Variants in EHF observed in about 807,000 individuals in gnomAD.
EHF encodes the protein ESE3 transcription factor.
EHF carries 14 observed loss-of-function variants against 45.1 expected under a neutral mutation model. The observed-to-expected ratio is 0.31, with a 90% CI of 0.21 to 0.49. The LOEUF is 0.49. EHF is among the 20% of genes least tolerant of loss of function. The pLI, the probability that EHF is intolerant of heterozygous loss-of-function variation, is 0.99. For synonymous variants in EHF, 136 were observed against 131.8 expected (o/e 1.03, Z -0.22); for missense variants, 282 against 371.4 (o/e 0.76, Z 1.98).
intron 1 of EHF, chr11:34,631,444 C>A: frequency 2.7e-6 from 1 of 375,160 alleles, no homozygotes; most frequent in Non-Finnish European, 3.7e-6. Flanking sequence ...TGTTTAGCTC[C>A]TTGTGGCCCT....
intron 7 of EHF, 62 bp downstream of exon 7, chr11:34,657,032 G>C (rs768982623): frequency 6.3e-7 from 1 of 1,591,528 alleles, no homozygotes; most frequent in African/African-American, 1.4e-5. Context: ...ACATCTGGAG[G>C]CCACTAGTTT....
intron 1 of EHF, chr11:34,642,290 T>TAA (rs1420429335): frequency 2.5e-4 from 41 of 164,984 alleles, no homozygotes; most frequent in East Asian, 6.5e-4. Flanking sequence ...TTCACTTTTG[T>TAA]AAAAAAAAAA....
At chr11:34,657,835 T>C (rs1855806821) in intron 7 of EHF, among the ~76,000 whole-genome samples, 1 of 149,846 alleles carries the variant, frequency 6.7e-6, no homozygotes, top group Admixed American at 6.7e-5. Context: ...GGAATTAGAA[T>C]GTCTTTATCT....
chr11:34,651,105 C>T (rs1855114632), intron 4 of EHF, among the ~76,000 whole-genome samples: 1 of 150,404 alleles, frequency 6.6e-6, no homozygotes, highest in African/African-American at 2.4e-5. Context: ...ATCATTAACC[C>T]CCCAAGGCCT....
At position 34,651,572 on chromosome 11, in the gene EHF, A is replaced by G; in HGVS notation, c.437A>G (p.Glu146Gly). ...EPSIMNTWKD[E>G]NYLYDTNYGS... Reference sequence around the variant, plus strand: ...TCCATCATGAACACCTGGAAAGACGAGAACTATTTATATGACACCAACTAT... The same window carrying G: ...TCCATCATGAACACCTGGAAAGACGGGAACTATTTATATGACACCAACTAT... Residue 146 changes from glutamate to glycine, a missense_variant, in exon 5 of 9, where the codon GAG (glutamate) becomes GGG (glycine). Glu to Gly is a moderately conservative substitution (Grantham distance 98, BLOSUM62 -2). Transcript: ENST00000257831. 1 of 1,614,028 alleles carries G rather than the reference A, an allele frequency of 6.2e-7. No homozygotes were observed. The highest frequency in any genetic ancestry group is 1.1e-5 in the South Asian group (1 of 91,078).
intron 1 of EHF, among the ~76,000 whole-genome samples, chr11:34,636,747 C>A (rs567493501): frequency 6.3e-4 from 96 of 152,194 alleles, no homozygotes; most frequent in African/African-American, 2.1e-3. Flanking sequence ...ACATGTGGCA[C>A]CACGGCCGGG....
intron 1 of EHF, among the ~76,000 whole-genome samples, chr11:34,628,640 G>C (rs907417626): frequency 1.3e-5 from 2 of 152,160 alleles, no homozygotes; most frequent in African/African-American, 4.8e-5. Context: ...GAATGATAAT[G>C]GTAATTTGTT....
At chr11:34,634,300 C>T (rs146923821) in intron 1 of EHF, among the ~76,000 whole-genome samples, 1 of 152,292 alleles carries the variant, frequency 6.6e-6, no homozygotes, top group African/African-American at 2.4e-5. Context: ...AATTCACCTG[C>T]TGGTAACTTT....
chr11:34,660,524 G>A lies in EHF; in HGVS notation c.*1593G>A, dbSNP rs370068515. The A allele has an allele frequency of 6.6e-6, 1 of 152,130 alleles. No individual in the cohort carries two copies. Among genetic ancestry groups the A allele is most frequent in the African/African-American group, 2.4e-5 (1 of 41,446 alleles). 9.4% of individuals were successfully genotyped at this position (152,130 alleles called of 1,614,324 possible). ...TCAGCTCAGGCACAATTGTCACCAA[G>A]GAGTTAAAAGCTTCTTCTTCAATAG... On this transcript the variant is annotated 3_prime_UTR_variant, in exon 9 of 9. Transcript: ENST00000257831.
chr11:34,655,054 T>C (rs1855532926), intron 6 of EHF, among the ~76,000 whole-genome samples: 1 of 152,180 alleles, frequency 6.6e-6, no homozygotes, highest in African/African-American at 2.4e-5. Context: ...TGTCACATCC[T>C]GATGGGATGT....
intron 6 of EHF, among the ~76,000 whole-genome samples, chr11:34,654,514 T>C (rs1343537808): frequency 6.6e-6 from 1 of 152,210 alleles, no homozygotes; most frequent in African/African-American, 2.4e-5. Flanking sequence ...TTTGACTGCT[T>C]ATTCCCCTTT....
At chr11:34,656,215 A>G (rs1247443004) in intron 6 of EHF, among the ~76,000 whole-genome samples, 1 of 152,118 alleles carries the variant, frequency 6.6e-6, no homozygotes, top group Non-Finnish European at 1.5e-5. Flanking sequence ...ATAATGAGTC[A>G]TTTGTTAAAC....
rs142577222 is a variant in EHF, at chr11:34,661,654, C to T, written c.*2723C>T. Among the ~76,000 whole-genome samples, 27 of 152,214 alleles carry T rather than the reference C, an allele frequency of 1.8e-4. No homozygotes were observed. Among genetic ancestry groups the T allele is most frequent in the Admixed American group, 3.3e-4 (5 of 15,262 alleles). On this transcript the variant is annotated 3_prime_UTR_variant, in exon 9 of 9. Transcript: ENST00000257831. ...CGTGACTTGGAGAACTTAAAGTAAT[C>T]GAGCTATGCCAACTTGGGGTGGTAA...
chr11:34,646,399 C>T (rs1854537915), intron 2 of EHF, 40 bp from the exon 3 acceptor site: 2 of 1,610,144 alleles, frequency 1.2e-6, no homozygotes, highest in Admixed American at 1.7e-5. Flanking sequence ...TGGCCAGGAA[C>T]AGCCAGGGGT....
chr11:34,646,763 T>C (rs776077210), intron 3 of EHF, 79 bp downstream of exon 3: 16 of 1,557,436 alleles, frequency 1.0e-5, no homozygotes, highest in South Asian at 3.4e-5. Context: ...ATGACAGGAT[T>C]CTTTGTCAGG....
chr11:34,652,502 C>A (rs1425307511), intron 6 of EHF, among the ~76,000 whole-genome samples: 2 of 152,186 alleles, frequency 1.3e-5, no homozygotes, highest in African/African-American at 4.8e-5. Flanking sequence ...TTACCACCCC[C>A]ACCTACAAAT....
Position 34,659,182 on chromosome 11 carries a change from T to A in EHF, c.*251T>A. 1 of 338,040 alleles carries A rather than the reference T, an allele frequency of 3.0e-6. No individual in the cohort carries two copies. Among genetic ancestry groups the A allele is most frequent in the East Asian group, 5.2e-5 (1 of 19,338 alleles). 20.9% of individuals were successfully genotyped at this position (338,040 alleles called of 1,614,324 possible). On this transcript the variant is annotated 3_prime_UTR_variant, in exon 9 of 9. Transcript: ENST00000257831. ...TGTGAAATATGATGCTGTATGTGGT[T>A]GTGATTTTTTTTCACCTCTATTGTG...
In EHF at chr11:34,658,880, G is replaced by C. The variant is rs201700802; in HGVS notation, c.852G>C (p.Leu284=). The change falls in exon 9 of 9, where the codon CTG becomes CTC. Residue 284 remains leucine (L), a synonymous_variant. Transcript: ENST00000257831. ...EILERVDGRR[L]VYKFGKNARG... is the part of the protein sequence containing the mutation. ...TGGAGCGTGTGGATGGACGAAGACT[G>C]GTATATAAATTTGGGAAGAATGCCC... 6.2e-7 allele frequency: 1 copy of C among 1,613,304 alleles called. No individual in the cohort carries two copies. Among genetic ancestry groups the C allele is most frequent in the Non-Finnish European group, 8.5e-7 (1 of 1,179,622 alleles).
chr11:34,626,920 T>G (rs1284303158), intron 1 of EHF, among the ~76,000 whole-genome samples: 1 of 152,206 alleles, frequency 6.6e-6, no homozygotes, highest in Admixed American at 6.5e-5. Context: ...AAAATGGAGT[T>G]AATAACATCT....
Sources: gnomAD v4.1 joint callset for allele counts (sites outside exome capture counted in the v4.1 genomes callset) on GRCh38, gnomAD v4.1.1 for gene constraint, MANE v1.5 for transcripts, NCBI Gene and HGNC (gene_info 2026-07-23, HGNC 2026-07-21) for gene names.